Variants in SLC8A1 observed in about 807,000 individuals in gnomAD.
SLC8A1 encodes the protein sodium/calcium exchanger 1.
In SLC8A1, 18 loss-of-function variants were observed where a neutral mutation model predicts 68.3. The observed-to-expected ratio is 0.26, with a 90% CI of 0.18 to 0.39. The LOEUF (loss-of-function observed/expected upper bound fraction) is 0.39. SLC8A1 is among the 10% of genes least tolerant of loss of function. SLC8A1 has a pLI of 1.00. For synonymous variants in SLC8A1, 475 were observed against 415.5 expected, an observed-to-expected ratio of 1.14 and a Z score of -1.74; for missense variants, 985 against 1,156.7, an observed-to-expected ratio of 0.85 and a Z score of 2.15.
At chr2:40,258,818 G>T (rs898580018) in intron 2 of SLC8A1, among the ~76,000 whole-genome samples, 2 of 151,552 alleles carry the variant, frequency 1.3e-5, no homozygotes, top group African/African-American at 4.9e-5. Context: ...CACCAGCCTG[G>T]GCAACAGAGT....
rs188483529 is a variant in SLC8A1 at position 40,468,425 on chromosome 2, T to G, written c.-24-38121A>C. ...GTTTATTTTAATTATGAAGACTTTT[T>G]ATGTCTTTCTACATAATTCTTAGCA... On this transcript the variant is annotated intron_variant, in intron 1 of 7. Coordinates refer to the SLC8A1 transcript ENST00000402441. Among the ~76,000 whole-genome samples, 584 of 152,306 alleles carry G rather than the reference T, an allele frequency of 3.8e-3. 10 individuals are homozygous for G. Among genetic ancestry groups the G allele is most frequent in the Middle Eastern group, 3.4e-3 (1 of 294 alleles).
chr2:40,405,579 T>G (rs1159639861), intron 2 of SLC8A1, among the ~76,000 whole-genome samples: 1 of 152,188 alleles, frequency 6.6e-6, no homozygotes, highest in African/African-American at 2.4e-5. Flanking sequence ...GCACTTCACA[T>G]TTTTACTTTT....
At chr2:40,448,064 C>G (rs1451770520) in intron 1 of SLC8A1, among the ~76,000 whole-genome samples, 2 of 152,162 alleles carry the variant, frequency 1.3e-5, no homozygotes, top group Non-Finnish European at 2.9e-5. Context: ...AGAGAACTTA[C>G]AAAAATCACT....
chr2:40,324,036 G>C (rs185859064), intron 2 of SLC8A1, among the ~76,000 whole-genome samples: 21 of 151,402 alleles, frequency 1.4e-4, no homozygotes, highest in Admixed American at 1.3e-3. Context: ...GGTGGGGGGG[G>C]GGCTGTTAAC....
intron 2 of SLC8A1, among the ~76,000 whole-genome samples, chr2:40,317,991 G>A (rs78561026): frequency 1.3e-5 from 2 of 152,178 alleles, no homozygotes; most frequent in East Asian, 1.9e-4. Flanking sequence ...GAGGATTGGA[G>A]AGCAACACTG....
intron 2 of SLC8A1, among the ~76,000 whole-genome samples, chr2:40,203,779 C>T (rs1252018958): frequency 6.6e-6 from 1 of 151,944 alleles, no homozygotes; most frequent in Non-Finnish European, 1.5e-5. Flanking sequence ...GACCATGGCT[C>T]ACTGCAGCCT....
chr2:40,385,293 T>C (rs1683207628), intron 2 of SLC8A1, among the ~76,000 whole-genome samples: 1 of 146,438 alleles, frequency 6.8e-6, no homozygotes, highest in Admixed American at 6.7e-5. Flanking sequence ...TTTTGAGACA[T>C]ACTACTGTAA....
intron 4 of SLC8A1, among the ~76,000 whole-genome samples, chr2:40,173,298 G>A (rs2047874879): frequency 6.6e-6 from 1 of 152,148 alleles, no homozygotes; most frequent in Non-Finnish European, 1.5e-5. Context: ...TTTAAAAAAA[G>A]GAGTATAAAT....
At chr2:40,245,818 T>C (rs1353921424) in intron 2 of SLC8A1, among the ~76,000 whole-genome samples, 2 of 152,188 alleles carry the variant, frequency 1.3e-5, no homozygotes, top group Non-Finnish European at 2.9e-5. Flanking sequence ...TACAATTAAA[T>C]CTCGTAGAAT....
chr2:40,122,236 G>GCA (rs56977522), intron 7 of SLC8A1, among the ~76,000 whole-genome samples: 1,926 of 149,458 alleles, frequency 0.013, 46 homozygotes, highest in African/African-American at 0.045. Context: ...GTGTGCGCGC[G>GCA]CACACACACA....
chr2:40,101,995 TG>T (rs1381101190), exon 8 of SLC8A1: 1 of 152,178 alleles, frequency 6.6e-6, no homozygotes, highest in African/African-American at 2.4e-5. Flanking sequence ...AATTGCACTC[TG>T]GGGACAAAGA....
intron 1 of SLC8A1, among the ~76,000 whole-genome samples, chr2:40,446,136 A>G (rs1292203210): frequency 6.6e-6 from 1 of 152,168 alleles, no homozygotes; most frequent in African/African-American, 2.4e-5. Context: ...ATAAATAAAA[A>G]CCACCTACCC....
intron 7 of SLC8A1, chr2:40,118,613 T>TTTG (rs1553336901): frequency 7.0e-6 from 1 of 141,888 alleles, no homozygotes. Flanking sequence ...GGAAGTTTTT[T>TTTG]TTTTTTTTTT....
At chr2:40,173,836 GA>G (rs1454801785) in intron 4 of SLC8A1, among the ~76,000 whole-genome samples, 1 of 152,120 alleles carries the variant, frequency 6.6e-6, no homozygotes, top group East Asian at 1.9e-4. Context: ...TACAGCTTCA[GA>G]CAGACCTACT....
At chr2:40,466,609 C>G (rs140452974) in intron 1 of SLC8A1, among the ~76,000 whole-genome samples, 1 of 152,222 alleles carries the variant, frequency 6.6e-6, no homozygotes, top group African/African-American at 2.4e-5. Flanking sequence ...TTCTATATTA[C>G]GAGGATCTTG....
chr2:40,114,611 A>G (rs1054567232), exon 8 of SLC8A1: 1 of 152,758 alleles, frequency 6.5e-6, no homozygotes, highest in African/African-American at 2.4e-5. Context: ...TTCTAGAACC[A>G]TCGGATTTCC....
intron 2 of SLC8A1, among the ~76,000 whole-genome samples, chr2:40,335,188 T>A (rs1342501311): frequency 6.6e-6 from 1 of 152,226 alleles, no homozygotes; most frequent in Non-Finnish European, 1.5e-5. Flanking sequence ...TTCCTACAAT[T>A]ATCATACTAC....
At chr2:40,441,000 C>A (rs1332938045) in intron 1 of SLC8A1, among the ~76,000 whole-genome samples, 6 of 152,158 alleles carry the variant, frequency 3.9e-5, no homozygotes, top group Non-Finnish European at 5.9e-5. Context: ...TCTCTGTTTG[C>A]AGATGACATA....
chr2:40,447,254 A>G (rs1407894058), intron 1 of SLC8A1, among the ~76,000 whole-genome samples: 2 of 152,184 alleles, frequency 1.3e-5, no homozygotes, highest in African/African-American at 2.4e-5. Flanking sequence ...TTAAGGATAT[A>G]ATTTCACTCT....
Sources: gnomAD v4.1 joint callset for allele counts (sites outside exome capture counted in the v4.1 genomes callset) on GRCh38, gnomAD v4.1.1 for gene constraint, MANE v1.5 for transcripts, NCBI Gene and HGNC (gene_info 2026-07-23, HGNC 2026-07-21) for gene names.